ZC3H12B: variants seen among roughly 807,000 people sequenced by gnomAD.
ZC3H12B encodes probable ribonuclease ZC3H12B.
In ZC3H12B, 7 loss-of-function variants were observed where a neutral mutation model predicts 43.9. That is an observed-to-expected ratio of 0.16 (90% confidence interval 0.09 to 0.30). ZC3H12B has a LOEUF of 0.30. Ranked by LOEUF, ZC3H12B falls within the 10% of genes least tolerant of loss-of-function variation. The pLI, the probability that ZC3H12B is intolerant of heterozygous loss-of-function variation, is 1.00. For missense variants in ZC3H12B, 475 were observed against 670.2 expected, an observed-to-expected ratio of 0.71 and a Z score of 3.22; for synonymous variants, 222 against 241.7, an observed-to-expected ratio of 0.92 and a Z score of 0.76.
At chrX:65,402,282 C>T (rs144058100) in intron 3 of ZC3H12B, among the ~76,000 whole-genome samples, 2 of 111,632 alleles carry the variant, frequency 1.8e-5, no homozygotes, top group Non-Finnish European at 3.8e-5. Flanking sequence ...GGTTTCAGTG[C>T]CAGCTCAGCC....
intron 3 of ZC3H12B, among the ~76,000 whole-genome samples, chrX:65,477,497 C>T (rs1203746078): frequency 8.9e-6 from 1 of 111,756 alleles, no homozygotes; most frequent in Admixed American, 9.5e-5. Flanking sequence ...CTTTAATCTG[C>T]ACATTCAAGA....
At chrX:65,414,318 A>G (rs771833810) in intron 3 of ZC3H12B, among the ~76,000 whole-genome samples, 1 of 109,355 alleles carries the variant, frequency 9.1e-6, no homozygotes, top group African/African-American at 3.3e-5. Flanking sequence ...TCTTCTTTAG[A>G]TGTTTGTTAC....
chrX:65,058,939 G>T, the ZC3H12B span, among the ~76,000 whole-genome samples: 2 of 112,071 alleles, frequency 1.8e-5, no homozygotes, highest in Non-Finnish European at 3.8e-5. Flanking sequence ...ACAGTATTAG[G>T]GTTGGAGTGA....
chrX:65,219,544 TAGA>T, the ZC3H12B span, among the ~76,000 whole-genome samples: 6 of 111,241 alleles, frequency 5.4e-5, no homozygotes, highest in Non-Finnish European at 1.1e-4. Context: ...ATTGAACAAG[TAGA>T]AGAAGGAACT....
chrX:65,276,259 C>A, the ZC3H12B span, among the ~76,000 whole-genome samples: 1 of 111,131 alleles, frequency 9.0e-6, no homozygotes, highest in South Asian at 3.7e-4. Flanking sequence ...AAGGGAAAAG[C>A]TGAGGAAAAC....
intron 3 of ZC3H12B, among the ~76,000 whole-genome samples, chrX:65,460,606 G>A (rs1281556126): frequency 2.7e-5 from 3 of 111,820 alleles, no homozygotes; most frequent in Non-Finnish European, 5.6e-5. Context: ...CAAGAAATGG[G>A]GAAAGGATTC....
chrX:65,276,757 G>T, the ZC3H12B span, among the ~76,000 whole-genome samples: 1 of 111,197 alleles, frequency 9.0e-6, no homozygotes, highest in Non-Finnish European at 1.9e-5. Context: ...AAAGGATAAA[G>T]GAAAAGGAAT....
At chrX:65,188,165 T>C in the ZC3H12B span, among the ~76,000 whole-genome samples, 5 of 111,680 alleles carry the variant, frequency 4.5e-5, no homozygotes, top group Admixed American at 4.8e-4. Flanking sequence ...TGAATATTAT[T>C]CCATTGTGTA....
At chrX:65,241,200 G>A in the ZC3H12B span, among the ~76,000 whole-genome samples, 2 of 112,810 alleles carry the variant, frequency 1.8e-5, no homozygotes, top group Non-Finnish European at 3.8e-5. Context: ...TCCTCCTGGG[G>A]GCTTTTGTTT....
chrX:65,124,151 T>C, the ZC3H12B span, among the ~76,000 whole-genome samples: 2 of 111,361 alleles, frequency 1.8e-5, no homozygotes, highest in South Asian at 3.8e-4. Flanking sequence ...TTTATTACAT[T>C]AAGTTATGTC....
At chrX:65,450,175 G>C (rs2067452755) in intron 3 of ZC3H12B, among the ~76,000 whole-genome samples, 1 of 104,844 alleles carries the variant, frequency 9.5e-6, no homozygotes, top group Non-Finnish European at 1.9e-5. Context: ...CGTGGTTGCA[G>C]ACACCTGTAA....
the ZC3H12B span, among the ~76,000 whole-genome samples, chrX:65,158,275 T>C: frequency 9.0e-5 from 10 of 111,236 alleles, no homozygotes; most frequent in African/African-American, 3.3e-4. Flanking sequence ...TACAGTTCTT[T>C]GGGTATATAG....
chrX:65,229,924 T>G, the ZC3H12B span, among the ~76,000 whole-genome samples: 1 of 111,503 alleles, frequency 9.0e-6, no homozygotes, highest in African/African-American at 3.3e-5. Flanking sequence ...GGAACACTTT[T>G]ACACTGTTGG....
At chrX:65,191,928 G>C in the ZC3H12B span, among the ~76,000 whole-genome samples, 1 of 103,583 alleles carries the variant, frequency 9.7e-6, no homozygotes, top group Admixed American at 1.0e-4. Flanking sequence ...GCTTTCTCTT[G>C]TGGGCATTTA....
At chrX:65,230,859 A>T in the ZC3H12B span, among the ~76,000 whole-genome samples, 1 of 111,945 alleles carries the variant, frequency 8.9e-6, no homozygotes, top group Non-Finnish European at 1.9e-5. Flanking sequence ...CTCATTATCA[A>T]AAGTAACTAC....
the ZC3H12B span, among the ~76,000 whole-genome samples, chrX:65,254,925 G>T: frequency 2.7e-5 from 3 of 111,633 alleles, no homozygotes; most frequent in South Asian, 3.7e-4. Context: ...ACAATCACAA[G>T]TATTAACAGC....
chrX:65,414,777 G>C (rs1215336259), intron 3 of ZC3H12B, among the ~76,000 whole-genome samples: 2 of 112,021 alleles, frequency 1.8e-5, no homozygotes, highest in African/African-American at 6.5e-5. Context: ...GAATCAGATA[G>C]ATCTAAGTTC....
chrX:65,189,506 G>T, the ZC3H12B span, among the ~76,000 whole-genome samples: 2 of 108,749 alleles, frequency 1.8e-5, 1 homozygote, highest in Admixed American at 2.0e-4. Flanking sequence ...GTGTGAGATG[G>T]TATCTCATAG....
the ZC3H12B span, among the ~76,000 whole-genome samples, chrX:65,212,962 G>C: frequency 1.0e-4 from 11 of 106,345 alleles, no homozygotes; most frequent in African/African-American, 3.7e-4. Context: ...TACCATCATT[G>C]GTCTGTGTAA....
Sources: allele counts gnomAD v4.1 joint callset (sites outside exome capture counted in the v4.1 genomes callset), GRCh38; gene constraint gnomAD v4.1.1; transcripts MANE v1.5; gene names NCBI Gene and HGNC (gene_info 2026-07-23, HGNC 2026-07-21).